Variants in RARB observed in about 807,000 individuals in gnomAD.
RARB encodes the protein HBV-activated protein.
RARB carries 17 observed loss-of-function variants against 51.9 expected under a neutral mutation model. The observed-to-expected ratio is 0.33, with a 90% confidence interval of 0.22 to 0.49. RARB has a LOEUF of 0.49. RARB is among the 20% of genes least tolerant of loss of function. The probability of loss-of-function intolerance (pLI) is 0.99; values close to 1 mark genes in which losing one functional copy is unlikely to be tolerated. For synonymous variants in RARB, 215 were observed against 195.4 expected, an observed-to-expected ratio of 1.10 and a Z score of -0.84; for missense variants, 369 against 550.8, an observed-to-expected ratio of 0.67 and a Z score of 3.30.
intron 4 of RARB, among the ~76,000 whole-genome samples, chr3:25,579,206 G>A (rs1701068097): frequency 6.6e-6 from 1 of 152,142 alleles, no homozygotes; most frequent in Non-Finnish European, 1.5e-5. Flanking sequence ...AGTATCTTAA[G>A]TCAGGTTTAT....
intron 3 of RARB, among the ~76,000 whole-genome samples, chr3:25,098,694 A>G (rs1341544068): frequency 6.6e-6 from 1 of 152,196 alleles, no homozygotes. Context: ...AAAGTTGAGT[A>G]GTTGAACAGA....
chr3:24,859,829 T>A (rs1702713090), intron 2 of RARB, among the ~76,000 whole-genome samples: 1 of 152,238 alleles, frequency 6.6e-6, no homozygotes. Context: ...CAGCCCTGGA[T>A]AAGATGCAAA....
chr3:24,855,892 C>T (rs1702627706), intron 1 of RARB, among the ~76,000 whole-genome samples: 1 of 151,890 alleles, frequency 6.6e-6, no homozygotes, highest in African/African-American at 2.4e-5. Context: ...GCTGGGACTA[C>T]AGGCCCCCAC....
chr3:24,955,839 G>A (rs13083646), intron 2 of RARB, among the ~76,000 whole-genome samples: 19,001 of 152,102 alleles, frequency 0.12, 1,379 homozygotes, highest in Non-Finnish European at 0.16. Flanking sequence ...GTCGTCTTAT[G>A]TAGATCAAGC....
At chr3:25,367,983 T>G (rs542275864) in intron 5 of RARB, among the ~76,000 whole-genome samples, 1 of 152,316 alleles carries the variant, frequency 6.6e-6, no homozygotes, top group East Asian at 1.9e-4. Flanking sequence ...GGTGCTCCTC[T>G]GTGAAATGAG....
intron 4 of RARB, among the ~76,000 whole-genome samples, chr3:25,578,961 A>G (rs755378728): frequency 1.3e-5 from 2 of 152,230 alleles, no homozygotes; most frequent in Non-Finnish European, 2.9e-5. Flanking sequence ...GTAAATTACA[A>G]ATATCTCATC....
intron 2 of RARB, among the ~76,000 whole-genome samples, chr3:24,969,794 T>A (rs550114171): frequency 1.3e-5 from 2 of 152,114 alleles, no homozygotes; most frequent in Admixed American, 6.6e-5. Flanking sequence ...AGAAGATGTT[T>A]CCTCAGAGAG....
chr3:24,923,725 G>C (rs542632403), intron 2 of RARB, among the ~76,000 whole-genome samples: 18 of 152,160 alleles, frequency 1.2e-4, no homozygotes, highest in African/African-American at 3.9e-4. Context: ...TATTAGGAAG[G>C]CTTGTGAACA....
intron 5 of RARB, among the ~76,000 whole-genome samples, chr3:25,276,255 G>C (rs1417589758): frequency 6.6e-6 from 1 of 152,094 alleles, no homozygotes; most frequent in Non-Finnish European, 1.5e-5. Context: ...ATGTTTAGTA[G>C]TGATCTTGAG....
chr3:25,257,519 G>T (rs184818336), intron 5 of RARB, among the ~76,000 whole-genome samples: 2 of 152,164 alleles, frequency 1.3e-5, no homozygotes, highest in African/African-American at 4.8e-5. Flanking sequence ...GTTGGAACTA[G>T]GGTGGGGCAG....
At chr3:25,410,037 C>T (rs1421360893) in intron 5 of RARB, among the ~76,000 whole-genome samples, 3 of 152,144 alleles carry the variant, frequency 2.0e-5, no homozygotes, top group Admixed American at 1.3e-4. Flanking sequence ...TTATACCAGC[C>T]CAGTTCTTGT....
chr3:24,951,459 G>A (rs540475715), intron 2 of RARB, among the ~76,000 whole-genome samples: 9 of 152,184 alleles, frequency 5.9e-5, no homozygotes, highest in Non-Finnish European at 1.3e-4. Flanking sequence ...AATCCTGAGA[G>A]TGATGTGCTT....
At chr3:25,438,964 C>T (rs1038795322) in intron 1 of RARB, among the ~76,000 whole-genome samples, 1 of 152,192 alleles carries the variant, frequency 6.6e-6, no homozygotes, top group Admixed American at 6.5e-5. Flanking sequence ...GTTTTTACAT[C>T]CTGTTTGCTG....
intron 5 of RARB, among the ~76,000 whole-genome samples, chr3:25,226,789 T>C (rs763909012): frequency 5.3e-5 from 8 of 152,104 alleles, no homozygotes; most frequent in Non-Finnish European, 8.8e-5. Flanking sequence ...ACATTAGAAA[T>C]AGATCAAGAT....
intron 2 of RARB, among the ~76,000 whole-genome samples, chr3:24,909,005 A>T (rs60757912): frequency 0.23 from 35,637 of 151,940 alleles, 4,834 homozygotes; most frequent in African/African-American, 0.38. Flanking sequence ...GCTATTAATA[A>T]CATTGATCTC....
intron 5 of RARB, among the ~76,000 whole-genome samples, chr3:25,400,320 A>G (rs1707230459): frequency 1.3e-5 from 2 of 152,154 alleles, no homozygotes; most frequent in South Asian, 4.1e-4. Context: ...TATTATATGT[A>G]TAGATTTGGA....
intron 5 of RARB, among the ~76,000 whole-genome samples, chr3:25,318,543 C>A (rs1704485175): frequency 6.6e-6 from 1 of 152,084 alleles, no homozygotes; most frequent in African/African-American, 2.4e-5. Context: ...TAATATTCTG[C>A]CCCTTCAGCT....
intron 4 of RARB, among the ~76,000 whole-genome samples, chr3:25,155,006 A>G (rs1359599561): frequency 6.6e-6 from 1 of 152,072 alleles, no homozygotes; most frequent in African/African-American, 2.4e-5. Flanking sequence ...AACTTGCCCA[A>G]TTCATTCAAT....
chr3:25,245,950 T>A (rs1377322916), intron 5 of RARB, among the ~76,000 whole-genome samples: 2 of 152,198 alleles, frequency 1.3e-5, no homozygotes, highest in African/African-American at 4.8e-5. Flanking sequence ...CACTTTCAGT[T>A]ATACCAATCA....
Sources: gnomAD v4.1 joint callset for allele counts (sites outside exome capture counted in the v4.1 genomes callset) on GRCh38, gnomAD v4.1.1 for gene constraint, MANE v1.5 for transcripts, NCBI Gene and HGNC (gene_info 2026-07-23, HGNC 2026-07-21) for gene names.